The following STXBP5 variants were observed in gnomAD, a reference collection of about 807,000 sequenced individuals.
The protein encoded by STXBP5 is syntaxin-binding protein 5.
STXBP5 carries 50 observed loss-of-function variants against 152.4 expected under a neutral mutation model. The observed-to-expected ratio is 0.33, with a 90% CI of 0.26 to 0.42. STXBP5 has a LOEUF of 0.42. Ranked by LOEUF, STXBP5 falls within the 10% of genes least tolerant of loss-of-function variation. The pLI is 1.00. For missense variants in STXBP5, 1,167 were observed against 1,388.6 expected (o/e 0.84, Z 2.54); for synonymous variants, 492 against 494.7 (o/e 0.99, Z 0.07).
At chr6:147,249,421 G>A (rs1452598202) in intron 4 of STXBP5, among the ~76,000 whole-genome samples, 1 of 152,180 alleles carries the variant, frequency 6.6e-6, no homozygotes, top group Non-Finnish European at 1.5e-5. Context: ...CAAGCTGTTT[G>A]TAGGACTCAG....
At position 147,375,411 on chromosome 6, in the gene STXBP5, A is replaced by G. The variant is rs142950871; in HGVS notation, c.3193+1569A>G. 7.0e-4 allele frequency among the ~76,000 whole-genome samples: 107 copies of G among 152,226 alleles called. 2 individuals carry two copies. In the East Asian group the frequency reaches 0.02, roughly 29 times the overall value. ...CAAAAACTAGAATTAAAAACCCAAT[A>G]GATAGGCTTAACTACAAATTAGACA... On this transcript the variant is annotated intron_variant, in intron 26 of 27. Transcript: ENST00000321680.
intron 25 of STXBP5, among the ~76,000 whole-genome samples, chr6:147,365,191 GTAT>G (rs1231304034): frequency 6.6e-6 from 1 of 152,112 alleles, no homozygotes; most frequent in Non-Finnish European, 1.5e-5. Context: ...GTCCTGAGTA[GTAT>G]TGTAAACTTT....
intron 26 of STXBP5, among the ~76,000 whole-genome samples, chr6:147,378,675 CAT>C (rs1454495539): frequency 7.2e-5 from 11 of 151,894 alleles, no homozygotes; most frequent in Non-Finnish European, 1.5e-4. Context: ...GATATGATGA[CAT>C]ATTTAGAAGA....
rs761064043 is a variant in STXBP5, at chr6:147,373,791, T to C, written c.3142T>C (p.Phe1048Leu). Reference protein sequence around the residue: ...ETPEAPNRGFFKGLFGGGAQS... With the variant: ...ETPEAPNRGFLKGLFGGGAQS... Reference sequence around the variant, plus strand: ...ACCTGAAGCACCAAACAGGGGATTCTTTAAAGGCTTATTTGGAGGTGGTGC... The same window carrying C: ...ACCTGAAGCACCAAACAGGGGATTCCTTAAAGGCTTATTTGGAGGTGGTGC... Residue 1048 changes from phenylalanine (F) to leucine (L), a missense_variant, in exon 26 of 28, where the codon TTT (phenylalanine) becomes CTT (leucine). Phe to Leu is a conservative substitution (Grantham distance 22). Coordinates refer to ENST00000321680, the MANE Select transcript of STXBP5 (RefSeq NM_001127715.4). The C allele has an allele frequency of 2.5e-6, 4 of 1,613,938 alleles. No homozygotes were observed. The South Asian group carries it at 3.3e-5, about 13-fold the overall frequency.
intron 4 of STXBP5, among the ~76,000 whole-genome samples, chr6:147,244,233 TG>T (rs2115237947): frequency 6.6e-6 from 1 of 152,322 alleles, no homozygotes; most frequent in East Asian, 1.9e-4. Context: ...TATTGGATTT[TG>T]GTATCAGAGG....
At chr6:147,287,497 C>T (rs1364666310) in intron 8 of STXBP5, among the ~76,000 whole-genome samples, 3 of 152,110 alleles carry the variant, frequency 2.0e-5, no homozygotes, top group South Asian at 2.1e-4. Flanking sequence ...CCACCGCGCC[C>T]GGCCTGTACA....
chr6:147,220,746 A>G (rs908842660), intron 2 of STXBP5, among the ~76,000 whole-genome samples: 3 of 152,042 alleles, frequency 2.0e-5, no homozygotes, highest in Non-Finnish European at 4.4e-5. Context: ...CTTTTATTCT[A>G]TATGTGTCTT....
chr6:147,284,083 A>G (rs1324873260), intron 8 of STXBP5, among the ~76,000 whole-genome samples: 2 of 152,242 alleles, frequency 1.3e-5, no homozygotes, highest in African/African-American at 4.8e-5. Flanking sequence ...TGATGTAATC[A>G]ACGTATAAAA....
intron 9 of STXBP5, among the ~76,000 whole-genome samples, chr6:147,300,699 C>T (rs1444083010): frequency 6.6e-6 from 1 of 152,012 alleles, no homozygotes; most frequent in Non-Finnish European, 1.5e-5. Context: ...AAGTATGAAA[C>T]TACTGGAAGA....
intron 8 of STXBP5, 146 bp from the exon 9 acceptor site, chr6:147,290,948 C>A: frequency 2.0e-6 from 1 of 500,470 alleles, no homozygotes; most frequent in Non-Finnish European, 3.4e-6. Flanking sequence ...AAATATCTTA[C>A]TGTGTATTAA....
chr6:147,205,355 G>A (rs1259768756), intron 1 of STXBP5, among the ~76,000 whole-genome samples: 6 of 137,474 alleles, frequency 4.4e-5, no homozygotes, highest in Non-Finnish European at 9.3e-5. Flanking sequence ...GTATGTCAGA[G>A]TTAATTAAAA....
At chr6:147,337,234 A>G (rs1783878318) in intron 19 of STXBP5, among the ~76,000 whole-genome samples, 1 of 99,120 alleles carries the variant, frequency 1.0e-5, no homozygotes, top group Non-Finnish European at 2.2e-5. Flanking sequence ...TGTTAAAATA[A>G]ATTTTTAAAC....
Position 147,291,443 on chromosome 6 carries a change from C to T in STXBP5, c.917+271C>T, listed in dbSNP as rs554169640. 4.6e-5 allele frequency among the ~76,000 whole-genome samples: 7 copies of T among 152,066 alleles called. No homozygotes were observed. In the South Asian group the frequency reaches 1.4e-3, roughly 31 times the overall value. On this transcript the variant is annotated intron_variant, in intron 9 of 27. Transcript: ENST00000321680. ...TTCGTGCCTTCTCTAGATCAGTCTT[C>T]AGTAGCAATAGTGTTTATTCACTAG...
At chr6:147,349,571 G>A (rs990729361) in intron 21 of STXBP5, among the ~76,000 whole-genome samples, 1 of 152,094 alleles carries the variant, frequency 6.6e-6, no homozygotes, top group African/African-American at 2.4e-5. Flanking sequence ...AAAGTCTCTC[G>A]CTGGTTTTGT....
chr6:147,339,010 A>G (rs1209943979), intron 19 of STXBP5, among the ~76,000 whole-genome samples, 169 bp from the exon 20 acceptor site: 1 of 151,964 alleles, frequency 6.6e-6, no homozygotes, highest in African/African-American at 2.4e-5. Context: ...ACTATACTGT[A>G]ATAGTATAAG....
intron 25 of STXBP5, among the ~76,000 whole-genome samples, chr6:147,373,275 G>T (rs1785645558): frequency 7.4e-6 from 1 of 134,252 alleles, no homozygotes; most frequent in Admixed American, 9.0e-5. Context: ...TGAGACACAA[G>T]AATCACTTGA....
In STXBP5 at chr6:147,311,478, G is replaced by A. The variant is rs1782372699; in HGVS notation, c.1096G>A (p.Val366Ile). 6.2e-7 allele frequency: 1 copy of A among 1,612,096 alleles called. No homozygotes were observed. Among genetic ancestry groups the A allele is most frequent in the Non-Finnish European group, 8.5e-7 (1 of 1,179,172 alleles). Residue 366 changes from valine (V) to isoleucine (I), a missense_variant, in exon 11 of 28, where the codon GTT becomes ATT. By Grantham distance (29) the Val-to-Ile change is conservative (BLOSUM62 3). This residue lies in a region of STXBP5 where 833 missense variants were observed against 986.3 expected (regional missense o/e 0.84). Transcript: ENST00000321680. ...AGATTTTCAAGAACCATATGCTGTG[G>A]TTGTTCTTCTAGAAAAGGATTTAGT... ...PNDFQEPYAV[V>I]VLLEKDLVLI...
chr6:147,369,795 G>A (rs1785458850), intron 25 of STXBP5, among the ~76,000 whole-genome samples: 1 of 152,012 alleles, frequency 6.6e-6, no homozygotes, highest in African/African-American at 2.4e-5. Flanking sequence ...GTTTTGGCAA[G>A]GATATAGACG....
At chr6:147,314,518 C>T (rs1198835344) in intron 13 of STXBP5, 78 bp from the exon 14 acceptor site, 1 of 1,477,710 alleles carries the variant, frequency 6.8e-7, no homozygotes, top group Non-Finnish European at 9.2e-7. Context: ...ATTTTGTTGA[C>T]TTTTTAATAG....
Sources: gnomAD v4.1 joint callset for allele counts (sites outside exome capture counted in the v4.1 genomes callset) on GRCh38, gnomAD v4.1.1 for gene constraint, gnomAD v4.1.1 regional missense constraint, MANE v1.5 for transcripts, NCBI Gene and HGNC (gene_info 2026-07-23, HGNC 2026-07-21) for gene names.